PTPN14: variants seen among roughly 807,000 people sequenced by gnomAD.
PTPN14 encodes the protein tyrosine-protein phosphatase non-receptor type 14.
A neutral mutation model predicts 126.8 loss-of-function variants in PTPN14; 53 were observed. The observed-to-expected ratio is 0.42, with a 90% CI of 0.34 to 0.53. The LOEUF is 0.53. Among genes scored for constraint, PTPN14 ranks in the 20% least tolerant of loss-of-function variants. The pLI, the probability that PTPN14 is intolerant of heterozygous loss-of-function variation, is 0.08. For missense variants in PTPN14, 1,257 were observed against 1,552.9 expected, an observed-to-expected ratio of 0.81 and a Z score of 3.20; for synonymous variants, 630 against 599.3, an observed-to-expected ratio of 1.05 and a Z score of -0.75.
chr1:214,418,676 A>G (rs949124493), intron 3 of PTPN14, among the ~76,000 whole-genome samples: 1 of 152,276 alleles, frequency 6.6e-6, no homozygotes, highest in African/African-American at 2.4e-5. Flanking sequence ...CTACTTAGAC[A>G]GTCTGAGCTA....
intron 1 of PTPN14, chr1:214,482,666 C>T: frequency 3.9e-6 from 3 of 766,534 alleles, no homozygotes; most frequent in Non-Finnish European, 2.0e-6. Context: ...ACTGATTTTA[C>T]ACAACTTCTA....
At chr1:214,461,315 C>T (rs1185921541) in intron 2 of PTPN14, among the ~76,000 whole-genome samples, 1 of 152,108 alleles carries the variant, frequency 6.6e-6, no homozygotes, top group Non-Finnish European at 1.5e-5. Context: ...CCACCATAAT[C>T]TAGTTTCCAA....
intron 1 of PTPN14, chr1:214,528,422 G>A (rs2102466036): frequency 6.6e-6 from 1 of 152,086 alleles, no homozygotes; most frequent in South Asian, 2.1e-4. Context: ...AAGAATATGT[G>A]GCAACAGAGA....
At chr1:214,407,856 G>A (rs1187444245) in intron 5 of PTPN14, among the ~76,000 whole-genome samples, 1 of 152,122 alleles carries the variant, frequency 6.6e-6, no homozygotes, top group South Asian at 2.1e-4. Context: ...TCAAAGTGTG[G>A]GGTCTGCAGA....
At chr1:214,498,547 G>T (rs1034066053) in intron 1 of PTPN14, among the ~76,000 whole-genome samples, 13 of 151,708 alleles carry the variant, frequency 8.6e-5, no homozygotes, top group African/African-American at 2.9e-4. Flanking sequence ...TCCAAAAAGA[G>T]AATCAAATAT....
chr1:214,376,612 A>G (rs1015590886), intron 14 of PTPN14, among the ~76,000 whole-genome samples, 175 bp from the exon 15 acceptor site: 1 of 152,180 alleles, frequency 6.6e-6, no homozygotes, highest in African/African-American at 2.4e-5. Flanking sequence ...TCTAATAACC[A>G]TTTTCCTTCT....
chr1:214,385,560 G>C (rs539414784), intron 12 of PTPN14, among the ~76,000 whole-genome samples: 29 of 145,184 alleles, frequency 2.0e-4, no homozygotes, highest in Non-Finnish European at 3.4e-4. Context: ...CAACCTGATT[G>C]ATTTCTACAA....
At chr1:214,439,432 GA>G (rs1172305342) in intron 3 of PTPN14, among the ~76,000 whole-genome samples, 2 of 152,154 alleles carry the variant, frequency 1.3e-5, no homozygotes, top group African/African-American at 4.8e-5. Context: ...TCATCTCTGT[GA>G]TTTTCTACTA....
chr1:214,517,234 T>C (rs1013139196), intron 1 of PTPN14, among the ~76,000 whole-genome samples: 3 of 152,184 alleles, frequency 2.0e-5, no homozygotes, highest in Non-Finnish European at 2.9e-5. Context: ...GCATGGTCAG[T>C]GTACTATAAA....
chr1:214,397,968 A>C lies in PTPN14; in HGVS notation c.703T>G (p.Phe235Val). Residue 235 changes from phenylalanine to valine, a missense_variant, in exon 8 of 19, where the codon TTC (phenylalanine) becomes GTC (valine). Phe to Val is a conservative substitution (Grantham distance 50). Around this residue, in one of 3 missense-constraint regions of PTPN14, gnomAD observed 1,021 missense variants for 1,183.3 expected, o/e 0.86. Coordinates refer to ENST00000366956, the MANE Select transcript of PTPN14 (RefSeq NM_005401.5). Reference sequence around the variant, plus strand: ...TTCCTCACGAAAATCCCCATAAAGAAAATGCCAAGGTGTACACAGTTTCCA... The same window carrying C: ...TTCCTCACGAAAATCCCCATAAAGACAATGCCAAGGTGTACACAGTTTCCA... Reference protein sequence around the residue: ...NHGNCVHLGIFFMGIFVRNRI... With the variant: ...NHGNCVHLGIVFMGIFVRNRI... The C allele has an allele frequency of 6.2e-7, 1 of 1,613,112 alleles. No homozygotes were observed. The highest frequency in any genetic ancestry group is 8.5e-7 in the Non-Finnish European group (1 of 1,179,074).
At chr1:214,493,051 G>C (rs1459765950) in intron 1 of PTPN14, among the ~76,000 whole-genome samples, 2 of 152,138 alleles carry the variant, frequency 1.3e-5, no homozygotes. Flanking sequence ...TGTTTTCAGA[G>C]GGGGGATGAT....
At chr1:214,375,316 A>C (rs1379010998) in intron 15 of PTPN14, among the ~76,000 whole-genome samples, 1 of 152,226 alleles carries the variant, frequency 6.6e-6, no homozygotes, top group African/African-American at 2.4e-5. Context: ...CAATGAGGAA[A>C]GTAAGTAATT....
intron 6 of PTPN14, 84 bp from the exon 7 acceptor site, chr1:214,401,856 C>CTAAACCACAGCTCTGGAA: frequency 8.7e-7 from 1 of 1,144,720 alleles, no homozygotes; most frequent in Middle Eastern, 2.0e-4. Flanking sequence ...AATTCCAGAG[C>CTAAACCACAGCTCTGGAA]TGTGGTTTAG....
At chr1:214,532,741 G>A in intron 1 of PTPN14, 1 of 787,738 alleles carries the variant, frequency 1.3e-6, no homozygotes, top group Non-Finnish European at 2.3e-6. Context: ...GCTCTGCAAG[G>A]TCACTGATGA....
chr1:214,453,939 T>C (rs947514714), intron 2 of PTPN14, among the ~76,000 whole-genome samples: 2 of 152,328 alleles, frequency 1.3e-5, no homozygotes, highest in Admixed American at 6.5e-5. Context: ...CTGAGATCTA[T>C]GATGTAGGCT....
intron 5 of PTPN14, among the ~76,000 whole-genome samples, chr1:214,408,320 G>C (rs1021637840): frequency 6.6e-6 from 1 of 152,142 alleles, no homozygotes; most frequent in East Asian, 1.9e-4. Flanking sequence ...TCTGAAACCA[G>C]AGCCAGAATG....
Position 214,546,438 on chromosome 1 carries a change from T to A in PTPN14, c.-155+4745A>T, listed in dbSNP as rs540382399. Among the ~76,000 whole-genome samples the A allele has an allele frequency of 3.9e-5, 6 of 152,252 alleles. No homozygotes were observed. The South Asian group carries it at 1.2e-3, about 32-fold the overall frequency. On this transcript the variant is annotated intron_variant, in intron 1 of 18. Coordinates refer to ENST00000366956, the MANE Select transcript of PTPN14 (RefSeq NM_005401.5). ...ATAAAGTACACATTTCATACGAAAA[T>A]ATGCATTAGGAACTGTGGCTAATTT...
intron 1 of PTPN14, among the ~76,000 whole-genome samples, chr1:214,496,284 CAGA>C (rs1411716707): frequency 5.3e-5 from 8 of 152,152 alleles, no homozygotes; most frequent in African/African-American, 1.2e-4. Context: ...TGTTCTAGAG[CAGA>C]AGGTCACACT....
chr1:214,541,165 G>A (rs920552873), intron 1 of PTPN14, among the ~76,000 whole-genome samples: 4 of 151,790 alleles, frequency 2.6e-5, no homozygotes, highest in African/African-American at 4.8e-5. Flanking sequence ...AATAAAAAGG[G>A]AACATCAGAT....
Sources: allele counts gnomAD v4.1 joint callset (sites outside exome capture counted in the v4.1 genomes callset), GRCh38; gene constraint gnomAD v4.1.1; regional missense constraint gnomAD v4.1.1; transcripts MANE v1.5; gene names NCBI Gene and HGNC (gene_info 2026-07-23, HGNC 2026-07-21).